Variants in KMT2D observed in about 807,000 individuals in gnomAD.
The protein encoded by KMT2D is histone-lysine N-methyltransferase 2D.
In KMT2D, 55 loss-of-function variants were observed where a neutral mutation model predicts 512.7. The ratio of observed to expected loss-of-function variants is 0.11; its 90% CI spans 0.09 to 0.13. The LOEUF is 0.13. Among genes scored for constraint, KMT2D ranks in the 10% least tolerant of loss-of-function variants. The pLI, the probability that KMT2D is intolerant of heterozygous loss-of-function variation, is 1.00. For missense variants in KMT2D, 6,061 were observed against 7,127.9 expected, an observed-to-expected ratio of 0.85 and a Z score of 5.39; for synonymous variants, 2,995 against 2,904.0, an observed-to-expected ratio of 1.03 and a Z score of -1.01.
At chr12:49,055,223 A>G in intron 2 of KMT2D, 53 bp downstream of exon 2, 1 of 1,600,356 alleles carries the variant, frequency 6.2e-7, no homozygotes, top group Non-Finnish European at 8.6e-7. Flanking sequence ...AGGACCAGAA[A>G]TGTAAGGTTG....
Position 49,049,676 on chromosome 12 carries a change from C to A in KMT2D, c.3906+6G>T. On this transcript the variant is annotated splice_donor_region_variant and intron_variant, in intron 12 of 54. Coordinates refer to ENST00000301067, the MANE Select transcript of KMT2D (RefSeq NM_003482.4). ...AATCACATCCCGCAGCTAGATAGCCCCTCACCTGTTTGATGCGGGAACGGG... is the reference window on the plus strand; with the variant it reads ...AATCACATCCCGCAGCTAGATAGCCACTCACCTGTTTGATGCGGGAACGGG... 6.4e-7 allele frequency: 1 copy of A among 1,571,964 alleles called. No individual in the cohort carries two copies. The highest frequency in any genetic ancestry group is 1.2e-5 in the South Asian group (1 of 85,736).
rs1323197030 is a variant in KMT2D at position 49,050,272 on chromosome 12, G to C, written c.3316C>G (p.Pro1106Ala). ...TCATCCAGGGCTGGGGCAGGGCTGG[G>C]GGCGGGGCAGGAAAGGTCCCCCATT... is the stretch of plus-strand genomic sequence containing the variant. ...SPMGDLSCPA[P>A]SPAPALDDFS... The change falls in exon 12 of 55, where the codon CCC becomes GCC. Residue 1106 changes from proline to alanine, a missense_variant. Pro to Ala is a conservative substitution (Grantham distance 27, BLOSUM62 -1). This residue lies in a region of KMT2D where 447 missense variants were observed against 500.1 expected (regional missense o/e 0.89). Coordinates refer to ENST00000301067, the MANE Select transcript of KMT2D (RefSeq NM_003482.4). 6.2e-7 allele frequency: 1 copy of C among 1,611,690 alleles called. No homozygotes were observed. Among genetic ancestry groups the C allele is most frequent in the Admixed American group, 1.7e-5 (1 of 59,584 alleles).
rs746898212 is a variant in KMT2D at position 49,054,093 on chromosome 12, T to C, written c.558A>G (p.Ser186=). ...TRLGASIPCR[S]PGCPRLYHFP... ...AGTGGTAAAGCCGTGGACATCCAGG[T>C]GAGCGGCAAGGGATGGAGGCACCGA... Residue 186 remains serine (S), a synonymous_variant, in exon 6 of 55, where the codon TCA becomes TCG. Transcript: ENST00000301067. This position sits in a 1 kb window ranked among gnomAD's most constrained non-coding sequence, Gnocchi z 6.4. 2.5e-6 allele frequency: 4 copies of C among 1,613,382 alleles called. No homozygotes were observed. The African/African-American group carries it at 4.0e-5, about 16-fold the overall frequency.
chr12:49,038,338 A>G lies in KMT2D; in HGVS notation c.9018T>C (p.Asp3006=). Residue 3006 remains aspartate (D), a synonymous_variant, in exon 35 of 55, where the codon GAT becomes GAC. Transcript: ENST00000301067. This position sits in a 1 kb window ranked among gnomAD's most constrained non-coding sequence, Gnocchi z 5.7. The part of the protein sequence containing the change: ...DFDAHKALED[D]EELAHLGLGV... The stretch of plus-strand genomic sequence containing the variant: ...CCAGACCCAGGTGAGCAAGCTCTTC[A>G]TCATCCTCTAGGGCCTTGTGGGCAT... 1.9e-6 allele frequency: 3 copies of G among 1,613,846 alleles called. No individual in the cohort carries two copies. In the East Asian group the frequency reaches 6.7e-5, roughly 36 times the overall value.
At chr12:49,027,355 G>C in intron 48 of KMT2D, 33 bp from the exon 49 acceptor site, 1 of 1,487,676 alleles carries the variant, frequency 6.7e-7, no homozygotes, top group Non-Finnish European at 9.0e-7. Context: ...ATTAGTGCCA[G>C]CTCCTCATCT....
chr12:49,030,711 C>T lies in KMT2D; in HGVS notation c.13729G>A (p.Ala4577Thr), dbSNP rs2120407144. The T allele has an allele frequency of 1.2e-6, 2 of 1,613,702 alleles. No homozygotes were observed. Among genetic ancestry groups the T allele is most frequent in the Non-Finnish European group, 1.7e-6 (2 of 1,179,888 alleles). Residue 4577 changes from alanine (A) to threonine (T), a missense_variant, in exon 42 of 55, where the codon GCC becomes ACC. Transcript: ENST00000301067. ...ACTGGGCAGCCACTGCCAAAGGGGGCAAAGAGGCTAAAATTGGCGGTGATA... is the reference window on the plus strand; with the variant it reads ...ACTGGGCAGCCACTGCCAAAGGGGGTAAAGAGGCTAAAATTGGCGGTGATA... Reference protein sequence around the residue: ...PAITANFSLFAPFGSGCPVNG... With the variant: ...PAITANFSLFTPFGSGCPVNG...
rs1943609261 is a variant in KMT2D, at chr12:49,042,959, G to C, written c.5645-81C>G. 1 of 1,587,206 alleles carries C rather than the reference G, an allele frequency of 6.3e-7. No homozygotes were observed. Among genetic ancestry groups the C allele is most frequent in the Non-Finnish European group, 8.6e-7 (1 of 1,157,916 alleles). On this transcript the variant is annotated intron_variant, in intron 26 of 54. Transcript: ENST00000301067. This position sits in a 1 kb window ranked among gnomAD's most constrained non-coding sequence, Gnocchi z 4.4. ...CAGGTCTACAAATGATCATGGCCAG[G>C]AACAGTCCAGGACTCCCCACCAGAG...
chr12:49,030,783 A>G lies in KMT2D; in HGVS notation c.13672-15T>C. The G allele has an allele frequency of 6.2e-7, 1 of 1,613,426 alleles. No individual in the cohort carries two copies. Among genetic ancestry groups the G allele is most frequent in the Non-Finnish European group, 8.5e-7 (1 of 1,179,684 alleles). ...AGGGACAGCTCCTACAAGGGGCAAG[A>G]TGACAAAGTTCAAAACCTGCAGCGT... On this transcript the variant is annotated splice_polypyrimidine_tract_variant and intron_variant, in intron 41 of 54. Transcript: ENST00000301067.
chr12:49,033,495 T>C lies in KMT2D; in HGVS notation c.11210A>G (p.Gln3737Arg). 3 of 1,613,364 alleles carry C rather than the reference T, an allele frequency of 1.9e-6. No individual in the cohort carries two copies. The highest frequency in any genetic ancestry group is 2.5e-6 in the Non-Finnish European group (3 of 1,179,682). Residue 3737 changes from glutamine to arginine, a missense_variant, in exon 40 of 55, where the codon CAG (glutamine) becomes CGG (arginine). By Grantham distance (43) the Gln-to-Arg change is conservative (BLOSUM62 1). This residue lies in a region of KMT2D where 1,600 missense variants were observed against 1,754.9 expected (regional missense o/e 0.91). Coordinates refer to ENST00000301067, the MANE Select transcript of KMT2D (RefSeq NM_003482.4). ...RMQLAQKLQQ[Q>R]QQQQQQQQHL... ...CTGCTGCTGCTGTTGCTGCTGCTGC[T>C]GCTGCTGCAGTTTCTGGGCCAGCTG...
intron 39 of KMT2D, 29 bp downstream of exon 39, chr12:49,034,038 G>A (rs1385471054): frequency 1.3e-6 from 2 of 1,599,380 alleles, no homozygotes; most frequent in Non-Finnish European, 1.7e-6. Flanking sequence ...TGCCTTCTGG[G>A]TGCTAGGCTG....
In KMT2D at chr12:49,049,090, G is replaced by A. The variant is rs1317905852; in HGVS notation, c.4020+15C>T. 1.3e-6 allele frequency: 2 copies of A among 1,505,638 alleles called. No homozygotes were observed. The highest frequency in any genetic ancestry group is 1.8e-6 in the Non-Finnish European group (2 of 1,085,632). 93.3% of individuals were successfully genotyped at this position (1,505,638 alleles called of 1,614,324 possible). On this transcript the variant is annotated intron_variant, in intron 13 of 54. Transcript: ENST00000301067. ...CATGGTTGGGGGATGGGAGGAATAG[G>A]AGGCATCTCCTTACTACCAGAGTCT...
rs2120590674 is a variant in KMT2D, at chr12:49,044,986, T to C, written c.4742-21A>G. 5 of 1,600,062 alleles carry C rather than the reference T, an allele frequency of 3.1e-6. No homozygotes were observed. The highest frequency in any genetic ancestry group is 3.4e-6 in the Non-Finnish European group (4 of 1,167,762). On this transcript the variant is annotated intron_variant, in intron 19 of 54. Transcript: ENST00000301067. The surrounding 1 kb of genome is among the most constrained non-coding windows in gnomAD (Gnocchi z 6.4). The stretch of plus-strand genomic sequence containing the variant: ...GGGCTCTGCATAAGAGGAAAGAGTA[T>C]GTGATCCCTGGATGGAAGCCCCAGG...
In KMT2D at chr12:49,051,018, G is replaced by A. The variant is rs1937945832; in HGVS notation, c.2665C>T (p.Pro889Ser). Residue 889 changes from proline to serine, a missense_variant, in exon 11 of 55, where the codon CCA (proline) becomes TCA (serine). Physicochemically the swap from Pro to Ser is moderately conservative, Grantham distance 74. Coordinates refer to ENST00000301067, the MANE Select transcript of KMT2D (RefSeq NM_003482.4). ...TCTCCAAGCAAGGGAGATAAGGATG[G>A]TTCCCCAGGGGGAGGGAACAAGGGC... ...ELPLFPPPGE[P>S]SLSPLLGEPA... is the part of the protein sequence containing the mutation. The A allele has an allele frequency of 1.3e-6, 2 of 1,565,170 alleles. No homozygotes were observed. The highest frequency in any genetic ancestry group is 8.6e-7 in the Non-Finnish European group (1 of 1,156,576).
rs2120366834 is a variant in KMT2D, at chr12:49,027,052, C to T, written c.14914G>A (p.Glu4972Lys). Residue 4972 changes from glutamate (E) to lysine (K), a missense_variant, in exon 49 of 55, where the codon GAA (glutamate) becomes AAA (lysine). Glu to Lys is a moderately conservative substitution (Grantham distance 56). Around this residue, in one of 16 missense-constraint regions of KMT2D, gnomAD observed 1,600 missense variants for 1,754.9 expected, o/e 0.91. Transcript: ENST00000301067. ...KPRARPPEEG[E>K]DSRPPRLKKW... is the part of the protein sequence containing the mutation. The stretch of plus-strand genomic sequence containing the variant: ...TTGAGGCGAGGAGGACGGGAATCTT[C>T]ACCTTCTTCAGGGGGCCGGGCACGG... 1 of 1,613,926 alleles carries T rather than the reference C, an allele frequency of 6.2e-7. No homozygotes were observed. Among genetic ancestry groups the T allele is most frequent in the Non-Finnish European group, 8.5e-7 (1 of 1,179,852 alleles).
chr12:49,053,375 T>G, intron 7 of KMT2D, 54 bp from the exon 8 acceptor site: 3 of 1,605,782 alleles, frequency 1.9e-6, no homozygotes, highest in Non-Finnish European at 2.6e-6. Context: ...TTTCCTTTCT[T>G]TTTTGTTGTT....
At chr12:49,049,627 T>C (rs2120636899) in intron 12 of KMT2D, 55 bp downstream of exon 12, 1 of 1,510,246 alleles carries the variant, frequency 6.6e-7, no homozygotes, top group Non-Finnish European at 8.9e-7. Context: ...CACAGGACTG[T>C]ACCTCTGACA....
Position 49,026,081 on chromosome 12 carries a change from T to G in KMT2D, c.15784+101A>C. 1 of 1,171,882 alleles carries G rather than the reference T, an allele frequency of 8.5e-7. No homozygotes were observed. The highest frequency in any genetic ancestry group is 1.2e-6 in the Non-Finnish European group (1 of 841,276). The allele number at this position is 1,171,882 out of a possible 1,614,324, so 72.6% of individuals were successfully genotyped here. A position where few individuals can be genotyped will look rare whatever the true frequency, so the allele number is the denominator to read the frequency against. On this transcript the variant is annotated intron_variant, in intron 49 of 54. Coordinates refer to ENST00000301067, the MANE Select transcript of KMT2D (RefSeq NM_003482.4). The surrounding 1 kb of genome is among the most constrained non-coding windows in gnomAD (Gnocchi z 9.6). ...GCCTGAGGTGGGGGAAGGAGGATCA[T>G]TCACATAGAAGCTACAGGTCCTCTT...
At chr12:49,052,518 T>C in intron 10 of KMT2D, 46 bp downstream of exon 10, 1 of 1,599,944 alleles carries the variant, frequency 6.3e-7, no homozygotes, top group African/African-American at 1.3e-5. Flanking sequence ...TCTCTTGCCA[T>C]AGAATAAAAG....
In KMT2D at chr12:49,031,387, T is replaced by A; in HGVS notation, c.13318A>T (p.Ile4440Leu). ...TGGTTGCTGGTTCCTGGTGCCCCTA[T>A]TGGCTCCCCATTGGCCTCCCTCTTC... ...SVKREANGEP[I>L]GAPGTSNHLL... is the part of the protein sequence containing the mutation. The change falls in exon 40 of 55, where the codon ATA (isoleucine) becomes TTA (leucine). Residue 4440 changes from isoleucine to leucine, a missense_variant. Coordinates refer to ENST00000301067, the MANE Select transcript of KMT2D (RefSeq NM_003482.4). 6.2e-7 allele frequency: 1 copy of A among 1,613,624 alleles called. No individual in the cohort carries two copies. The highest frequency in any genetic ancestry group is 8.5e-7 in the Non-Finnish European group (1 of 1,179,874).
Sources: allele counts gnomAD v4.1 joint callset, GRCh38; gene constraint gnomAD v4.1.1; regional missense constraint gnomAD v4.1.1; non-coding constraint Gnocchi (gnomAD v3.1); transcripts MANE v1.5; gene names NCBI Gene and HGNC (gene_info 2026-07-23, HGNC 2026-07-21).